SLC9A1: variants seen among roughly 807,000 people sequenced by gnomAD.
SLC9A1 encodes the protein solute carrier family 9 member A1, also known as sodium/hydrogen exchanger 1.
A neutral mutation model predicts 67.9 loss-of-function variants in SLC9A1; 22 were observed. The ratio of observed to expected loss-of-function variants is 0.32; its 90% CI spans 0.23 to 0.46. The LOEUF is 0.46. Ranked by LOEUF, SLC9A1 falls within the 20% of genes least tolerant of loss-of-function variation. SLC9A1 has a pLI of 1.00. For synonymous variants in SLC9A1, 421 were observed against 471.8 expected (o/e 0.89, Z 1.40); for missense variants, 686 against 1,094.8 (o/e 0.63, Z 5.27).
At position 27,109,500 on chromosome 1, in the gene SLC9A1, C is replaced by T; in HGVS notation, c.1064+27G>A. On this transcript the variant is annotated intron_variant, in intron 3 of 11. Transcript: ENST00000263980. The surrounding 1 kb of genome is among the most constrained non-coding windows in gnomAD (Gnocchi z 5.5). ...CAGCCCCCGCCCCCACCCCGCCAAG[C>T]CCACTGCCTGCTGCACGCAGACTCA... 6.2e-7 allele frequency: 1 copy of T among 1,608,598 alleles called. No homozygotes were observed. Among genetic ancestry groups the T allele is most frequent in the Non-Finnish European group, 8.5e-7 (1 of 1,178,612 alleles).
intron 1 of SLC9A1, among the ~76,000 whole-genome samples, chr1:27,149,698 G>T (rs1240372667): frequency 6.6e-6 from 1 of 152,212 alleles, no homozygotes; most frequent in Non-Finnish European, 1.5e-5. Flanking sequence ...TTGGTCTTAA[G>T]GATGAGGCAA....
In SLC9A1 at chr1:27,131,244, C is replaced by T. The variant is rs78374350; in HGVS notation, c.353-16958G>A. On this transcript the variant is annotated intron_variant, in intron 1 of 11. Transcript: ENST00000263980. ...TTCTTTTTTGCCACCCACCCCCAGACCATGGTTCTAACGAGCCCTGTCACG... is the reference window on the plus strand; with the variant it reads ...TTCTTTTTTGCCACCCACCCCCAGATCATGGTTCTAACGAGCCCTGTCACG... 7.7e-3 allele frequency among the ~76,000 whole-genome samples: 1,170 copies of T among 152,116 alleles called. 14 individuals carry two copies. Among genetic ancestry groups the T allele is most frequent in the African/African-American group, 0.026 (1,084 of 41,482 alleles).
chr1:27,115,269 G>C (rs2083256982), intron 1 of SLC9A1, among the ~76,000 whole-genome samples: 1 of 152,158 alleles, frequency 6.6e-6, no homozygotes, highest in Non-Finnish European at 1.5e-5. Flanking sequence ...GCCAGCAACA[G>C]GCCGCTCTGC....
chr1:27,117,585 G>A (rs78566581), intron 1 of SLC9A1, among the ~76,000 whole-genome samples: 3,499 of 152,270 alleles, frequency 0.023, 133 homozygotes, highest in African/African-American at 0.078. Flanking sequence ...GCAGGCATGT[G>A]AAACAAGCCA....
At chr1:27,116,964 G>A (rs2083276348) in intron 1 of SLC9A1, among the ~76,000 whole-genome samples, 1 of 152,030 alleles carries the variant, frequency 6.6e-6, no homozygotes, top group African/African-American at 2.4e-5. Context: ...CATATCCTCT[G>A]CCTGCCTCCT....
intron 1 of SLC9A1, among the ~76,000 whole-genome samples, chr1:27,117,855 G>A (rs1392713020): frequency 2.0e-5 from 3 of 152,154 alleles, no homozygotes; most frequent in African/African-American, 4.8e-5. Flanking sequence ...GTCAAAGCTC[G>A]GTATTTTCTC....
rs2124128285 is a variant in SLC9A1, at chr1:27,102,069, CCTT to C, written c.1879_1881del (p.Lys627del). 2 of 1,614,102 alleles carry C rather than the reference CCTT, an allele frequency of 1.2e-6. No individual in the cohort carries two copies. Among genetic ancestry groups the C allele is most frequent in the Non-Finnish European group, 1.7e-6 (2 of 1,180,006 alleles). On this transcript the variant is annotated inframe_deletion, in exon 9 of 12. Transcript: ENST00000263980. Reference sequence around the variant, plus strand: ...CTCAGGATTTTGCGGATCTCCTCCTCCTTGTCCTTGGACAGTGCTGGCAGGATG... The same window carrying C: ...CTCAGGATTTTGCGGATCTCCTCCTCGTCCTTGGACAGTGCTGGCAGGATG...
At chr1:27,131,947 A>AAAAAAAAAAAAAAAAATATAT in intron 1 of SLC9A1, among the ~76,000 whole-genome samples, 5 of 52,124 alleles carry the variant, frequency 9.6e-5, no homozygotes, top group African/African-American at 2.5e-4. Flanking sequence ...AGAAAAAAAA[A>AAAAAAAAAAAAAAAAATATAT]ATATATATAT....
At chr1:27,111,767 T>A (rs2083229908) in intron 2 of SLC9A1, among the ~76,000 whole-genome samples, 2 of 152,214 alleles carry the variant, frequency 1.3e-5, no homozygotes, top group South Asian at 4.1e-4. Context: ...ATTGTGCTAC[T>A]GCACTCCTGA....
chr1:27,149,816 T>C (rs1282203477), intron 1 of SLC9A1, among the ~76,000 whole-genome samples: 2 of 152,196 alleles, frequency 1.3e-5, no homozygotes, highest in African/African-American at 4.8e-5. Context: ...GTCTTTCCTT[T>C]GTACCAGGGC....
At chr1:27,135,754 C>T (rs567705190) in intron 1 of SLC9A1, among the ~76,000 whole-genome samples, 205 of 152,256 alleles carry the variant, frequency 1.3e-3, no homozygotes, top group Admixed American at 2.9e-3. Flanking sequence ...TGTATTCATA[C>T]GAGGCAACAC....
intron 1 of SLC9A1, among the ~76,000 whole-genome samples, chr1:27,141,572 T>G (rs774175452): frequency 2.0e-5 from 3 of 152,236 alleles, no homozygotes; most frequent in Non-Finnish European, 4.4e-5. Flanking sequence ...CCATCTGCAC[T>G]TCAAATCACA....
At chr1:27,135,524 G>GAAA (rs1464533443) in intron 1 of SLC9A1, among the ~76,000 whole-genome samples, 33 of 70,356 alleles carry the variant, frequency 4.7e-4, no homozygotes, top group African/African-American at 2.4e-3. Context: ...CCTTTTTTCT[G>GAAA]GAAAAAAAAA....
chr1:27,103,159 C>T, intron 6 of SLC9A1, 64 bp downstream of exon 6: 1 of 1,213,092 alleles, frequency 8.2e-7, no homozygotes, highest in Admixed American at 1.7e-5. Context: ...GACTTGAGGC[C>T]CAGCTGCTCC....
chr1:27,139,712 T>A (rs1015423537), intron 1 of SLC9A1, among the ~76,000 whole-genome samples: 1 of 151,998 alleles, frequency 6.6e-6, no homozygotes, highest in Non-Finnish European at 1.5e-5. Context: ...AGGTCAATGG[T>A]TCTGCATGAT....
intron 5 of SLC9A1, chr1:27,104,152 G>C (rs1233500110): frequency 7.0e-6 from 1 of 143,652 alleles, no homozygotes; most frequent in Admixed American, 7.6e-5. Context: ...TGCGATTTCA[G>C]CTCACTGCAA....
chr1:27,144,761 C>T (rs2083471906), intron 1 of SLC9A1, among the ~76,000 whole-genome samples: 1 of 152,206 alleles, frequency 6.6e-6, no homozygotes, highest in African/African-American at 2.4e-5. Flanking sequence ...TTAATCTCCG[C>T]ACTTTGGGAG....
At position 27,153,046 on chromosome 1, in the gene SLC9A1, G is replaced by A. The variant is rs2083540374; in HGVS notation, c.352+937C>T. Among the ~76,000 whole-genome samples the A allele has an allele frequency of 3.9e-5, 6 of 152,214 alleles. No homozygotes were observed. The South Asian group carries it at 1.2e-3, about 31-fold the overall frequency. Reference sequence around the variant, plus strand: ...AGTAAGCTCCCCCAATCACTCAGCAGAACAGAGTGCTCAGGCCTAGCAGGG... The same window carrying A: ...AGTAAGCTCCCCCAATCACTCAGCAAAACAGAGTGCTCAGGCCTAGCAGGG... On this transcript the variant is annotated intron_variant, in intron 1 of 11. Coordinates refer to ENST00000263980, the MANE Select transcript of SLC9A1 (RefSeq NM_003047.5).
intron 1 of SLC9A1, among the ~76,000 whole-genome samples, chr1:27,122,235 A>G (rs1241359797): frequency 6.6e-6 from 1 of 152,108 alleles, no homozygotes; most frequent in Non-Finnish European, 1.5e-5. Context: ...CAAACTGAGG[A>G]GCTGTGTTCG....
Sources: gnomAD v4.1 joint callset for allele counts (sites outside exome capture counted in the v4.1 genomes callset) on GRCh38, gnomAD v4.1.1 for gene constraint, Gnocchi (gnomAD v3.1) non-coding constraint, MANE v1.5 for transcripts, NCBI Gene and HGNC (gene_info 2026-07-23, HGNC 2026-07-21) for gene names.